Variants in ZSWIM6 observed in about 807,000 individuals in gnomAD.
ZSWIM6 encodes the protein zinc finger SWIM-type containing 6, also known as zinc finger SWIM domain-containing protein 6.
In ZSWIM6, 9 loss-of-function variants were observed where a neutral mutation model predicts 113.2. That is an observed-to-expected ratio of 0.08 (90% CI 0.05 to 0.14). ZSWIM6 has a LOEUF of 0.14. Among genes scored for constraint, ZSWIM6 ranks in the 10% least tolerant of loss-of-function variants. The probability of loss-of-function intolerance (pLI) is 1.00; values close to 1 mark genes in which losing one functional copy is unlikely to be tolerated. For synonymous variants in ZSWIM6, 611 were observed against 606.5 expected (o/e 1.01, Z -0.11); for missense variants, 1,162 against 1,552.2 (o/e 0.75, Z 4.22).
chr5:61,383,643 C>T (rs2112083610), intron 1 of ZSWIM6, among the ~76,000 whole-genome samples: 1 of 151,862 alleles, frequency 6.6e-6, no homozygotes, highest in South Asian at 2.1e-4. Flanking sequence ...TCAAGTAGTT[C>T]TCCTGTTTCC....
intron 1 of ZSWIM6, among the ~76,000 whole-genome samples, chr5:61,427,993 G>A (rs948158580): frequency 4.6e-5 from 7 of 151,688 alleles, no homozygotes; most frequent in Non-Finnish European, 5.9e-5. Context: ...TTGAGAATCC[G>A]TTTTCCAGCT....
intron 3 of ZSWIM6, among the ~76,000 whole-genome samples, chr5:61,492,217 C>T (rs887449755): frequency 2.0e-5 from 3 of 151,956 alleles, no homozygotes; most frequent in African/African-American, 7.2e-5. Flanking sequence ...TAAATCAAAT[C>T]CATAAATACT....
intron 1 of ZSWIM6, among the ~76,000 whole-genome samples, chr5:61,410,654 T>G (rs1746134664): frequency 6.6e-6 from 1 of 152,146 alleles, no homozygotes; most frequent in Admixed American, 6.5e-5. Context: ...AAGACTGGTG[T>G]TTTTCACTTA....
chr5:61,408,709 A>T (rs1436005140), intron 1 of ZSWIM6, among the ~76,000 whole-genome samples: 3 of 152,272 alleles, frequency 2.0e-5, no homozygotes, highest in African/African-American at 7.2e-5. Flanking sequence ...AAGGAAGTGC[A>T]TTACAAAATG....
In ZSWIM6 at chr5:61,369,306, G is replaced by A. The variant is rs538394534; in HGVS notation, c.676+36358G>A. On this transcript the variant is annotated intron_variant, in intron 1 of 13. Coordinates refer to ENST00000252744, the MANE Select transcript of ZSWIM6 (RefSeq NM_020928.2). Reference sequence around the variant, plus strand: ...CAATCAAAATGATCTTTGAGCATAGGTCAGTGAAAGCCAAGTTACTATATT... The same window carrying A: ...CAATCAAAATGATCTTTGAGCATAGATCAGTGAAAGCCAAGTTACTATATT... 2.0e-5 allele frequency among the ~76,000 whole-genome samples: 3 copies of A among 152,284 alleles called. No individual in the cohort carries two copies. In the South Asian group the frequency reaches 6.2e-4, roughly 32 times the overall value.
At chr5:61,513,640 G>GT (rs913662207) in intron 4 of ZSWIM6, among the ~76,000 whole-genome samples, 31 of 151,894 alleles carry the variant, frequency 2.0e-4, no homozygotes, top group African/African-American at 7.2e-4. Flanking sequence ...TCCACTTTGA[G>GT]TTTTTTTATA....
intron 2 of ZSWIM6, among the ~76,000 whole-genome samples, chr5:61,487,909 A>G (rs1748064364): frequency 1.3e-5 from 2 of 152,030 alleles, no homozygotes; most frequent in African/African-American, 4.8e-5. Context: ...GACTTCCAGC[A>G]TTATGTTGAA....
intron 1 of ZSWIM6, among the ~76,000 whole-genome samples, chr5:61,350,389 T>C (rs1463753406): frequency 4.6e-5 from 7 of 152,108 alleles, no homozygotes; most frequent in African/African-American, 1.4e-4. Flanking sequence ...GTGGTGTTTT[T>C]TGGGATTGAA....
intron 4 of ZSWIM6, among the ~76,000 whole-genome samples, chr5:61,504,076 G>A (rs1343225465): frequency 6.6e-6 from 1 of 152,178 alleles, no homozygotes; most frequent in Non-Finnish European, 1.5e-5. Context: ...AATAATTGAA[G>A]TGTAATGCTG....
intron 1 of ZSWIM6, among the ~76,000 whole-genome samples, chr5:61,420,356 T>C (rs1425601151): frequency 6.6e-6 from 1 of 152,234 alleles, no homozygotes; most frequent in Admixed American, 6.5e-5. Context: ...GTTTTAACAA[T>C]ATTGTAGACA....
At position 61,544,140 on chromosome 5, in the gene ZSWIM6, C is replaced by T. The variant is rs1223898734; in HGVS notation, c.3471C>T (p.Leu1157=). The T allele has an allele frequency of 7.1e-6, 11 of 1,551,836 alleles. No individual in the cohort carries two copies. The highest frequency in any genetic ancestry group is 9.6e-6 in the Non-Finnish European group (11 of 1,147,024). Residue 1157 remains leucine (L), a synonymous_variant, in exon 14 of 14, where the codon CTC becomes CTT. Transcript: ENST00000252744. ...GAYINTTHSR[L]THISPRHYSE... ...ACATCAACACAACGCACTCACGGCT[C>T]ACACACATCAGTCCTCGGCACTATA... is the stretch of plus-strand genomic sequence containing the variant.
intron 8 of ZSWIM6, among the ~76,000 whole-genome samples, chr5:61,530,519 C>T (rs1462852734): frequency 1.3e-5 from 2 of 152,180 alleles, no homozygotes; most frequent in Non-Finnish European, 2.9e-5. Context: ...TAAAGATGTA[C>T]ATCTTAGCAT....
chr5:61,363,051 A>G (rs1416661756), intron 1 of ZSWIM6, among the ~76,000 whole-genome samples: 1 of 152,214 alleles, frequency 6.6e-6, no homozygotes, highest in Non-Finnish European at 1.5e-5. Flanking sequence ...GGAACCCACT[A>G]TTTGAAAAAC....
intron 1 of ZSWIM6, among the ~76,000 whole-genome samples, chr5:61,362,899 TAACAG>T (rs2112055365): frequency 6.6e-6 from 1 of 152,302 alleles, no homozygotes; most frequent in African/African-American, 2.4e-5. Flanking sequence ...TTACTATAAA[TAACAG>T]AAACAGATTT....
At chr5:61,335,068 A>G (rs1489930311) in intron 1 of ZSWIM6, among the ~76,000 whole-genome samples, 2 of 152,270 alleles carry the variant, frequency 1.3e-5, no homozygotes, top group African/African-American at 4.8e-5. Context: ...TCTAGGAGAC[A>G]GACACACAGC....
At position 61,505,538 on chromosome 5, in the gene ZSWIM6, C is replaced by A. The variant is rs916363724; in HGVS notation, c.1333+11128C>A. ...AAGACTACATATCAGATAAGGGCCACAGGTTTATAGGGAGGAAAATTATCC... is the reference window on the plus strand; with the variant it reads ...AAGACTACATATCAGATAAGGGCCAAAGGTTTATAGGGAGGAAAATTATCC... On this transcript the variant is annotated intron_variant, in intron 4 of 13. Coordinates refer to ENST00000252744, the MANE Select transcript of ZSWIM6 (RefSeq NM_020928.2). 5.3e-5 allele frequency among the ~76,000 whole-genome samples: 8 copies of A among 152,026 alleles called. No homozygotes were observed. In the South Asian group the frequency reaches 1.2e-3, roughly 24 times the overall value.
chr5:61,417,415 C>T (rs1332632444), intron 1 of ZSWIM6, among the ~76,000 whole-genome samples: 2 of 152,098 alleles, frequency 1.3e-5, no homozygotes, highest in Admixed American at 6.6e-5. Flanking sequence ...GATGCAGGTT[C>T]CCAAAGAAGC....
intron 8 of ZSWIM6, 67 bp from the exon 9 acceptor site, chr5:61,531,398 T>C: frequency 6.7e-7 from 1 of 1,486,838 alleles, no homozygotes. Flanking sequence ...AGTATAAATA[T>C]TTGTACTTAT....
chr5:61,459,396 CAGA>C (rs1747277050), intron 1 of ZSWIM6, among the ~76,000 whole-genome samples: 1 of 151,990 alleles, frequency 6.6e-6, no homozygotes, highest in South Asian at 2.1e-4. Flanking sequence ...GCTTTGCTTT[CAGA>C]AGAAGTAAGT....
Sources: gnomAD v4.1 joint callset for allele counts (sites outside exome capture counted in the v4.1 genomes callset) on GRCh38, gnomAD v4.1.1 for gene constraint, MANE v1.5 for transcripts, NCBI Gene and HGNC (gene_info 2026-07-23, HGNC 2026-07-21) for gene names.